The following DNAAF11 variants were observed in gnomAD, a reference collection of about 807,000 sequenced individuals.
DNAAF11 encodes the protein leucine rich repeat containing 6.
DNAAF11 carries 45 observed loss-of-function variants against 60.8 expected under a neutral mutation model. That is an observed-to-expected ratio of 0.74 (90% CI 0.58 to 0.95). The LOEUF (loss-of-function observed/expected upper bound fraction) is 0.95, where lower values mean the gene tolerates loss of function less well. DNAAF11 is among the 40% of genes least tolerant of loss of function. The pLI is 0.00. For synonymous variants in DNAAF11, 191 were observed against 183.5 expected, an observed-to-expected ratio of 1.04 and a Z score of -0.33; for missense variants, 546 against 546.2, an observed-to-expected ratio of 1.00 and a Z score of 0.00.
At chr8:132,626,624 A>G (rs1031106357) in intron 5 of DNAAF11, among the ~76,000 whole-genome samples, 4 of 152,222 alleles carry the variant, frequency 2.6e-5, no homozygotes, top group African/African-American at 9.6e-5. Context: ...CCACGATGCT[A>G]CTTTCAGGAG....
In DNAAF11 at chr8:132,625,408, CCT is replaced by C; in HGVS notation, c.698_699del (p.Glu233GlyfsTer11). 1 of 1,613,190 alleles carries C rather than the reference CCT, an allele frequency of 6.2e-7. No homozygotes were observed. Among genetic ancestry groups the C allele is most frequent in the South Asian group, 1.1e-5 (1 of 90,826 alleles). ...SKDHLQAPDT[E>X]EHNTKKLDNS... ...TTGTCTAATTTCTTTGTGTTGTGTT[CCT>C]CTGTGTCTGGTGCCTGTAGGTGGTC... On this transcript the variant is annotated frameshift_variant, in exon 6 of 12. Transcript: ENST00000620350. LOFTEE classifies it high-confidence loss of function.
At chr8:132,697,815 A>G in the DNAAF11 span, among the ~76,000 whole-genome samples, 9 of 152,254 alleles carry the variant, frequency 5.9e-5, no homozygotes, top group Admixed American at 4.6e-4. Context: ...CAGATAGTGC[A>G]GTCTGGTGTC....
At chr8:132,662,004 A>G (rs1465410705) in intron 1 of DNAAF11, among the ~76,000 whole-genome samples, 1 of 152,220 alleles carries the variant, frequency 6.6e-6, no homozygotes, top group Non-Finnish European at 1.5e-5. Context: ...AGACAGAGCA[A>G]CTTGCTACTG....
chr8:132,656,839 T>G lies in DNAAF11; in HGVS notation c.247A>C (p.Asn83His). 7.6e-7 allele frequency: 1 copy of G among 1,322,772 alleles called. No homozygotes were observed. The highest frequency in any genetic ancestry group is 1.3e-5 in the South Asian group (1 of 78,412). The allele number at this position is 1,322,772 out of a possible 1,614,324, so 81.9% of individuals were successfully genotyped here. The change falls in exon 3 of 12, where the codon AAC becomes CAC. Residue 83 changes from asparagine (N) to histidine (H), a missense_variant. By Grantham distance (68) the Asn-to-His change is moderately conservative. Transcript: ENST00000620350. ...LALNNIEKIE[N>H]LEGCEELAKL... Reference sequence around the variant, plus strand: ...GAAGAAACAGTCTTACCTTCCAAGTTTTCTATTTTTTCAATGTTGTTTAAA... The same window carrying G: ...GAAGAAACAGTCTTACCTTCCAAGTGTTCTATTTTTTCAATGTTGTTTAAA...
At chr8:132,622,197 A>G (rs1004891904) in intron 7 of DNAAF11, among the ~76,000 whole-genome samples, 3 of 152,304 alleles carry the variant, frequency 2.0e-5, no homozygotes, top group African/African-American at 7.2e-5. Flanking sequence ...CTAGCTCTCC[A>G]GTGCTTTGTA....
intron 1 of DNAAF11, among the ~76,000 whole-genome samples, chr8:132,669,105 CAT>C (rs1824921921): frequency 6.6e-6 from 1 of 152,188 alleles, no homozygotes; most frequent in Admixed American, 6.5e-5. Flanking sequence ...CTTTGTTAGA[CAT>C]ATCACAGCCC....
chr8:132,620,349 T>C lies in DNAAF11; in HGVS notation c.914+2262A>G, dbSNP rs527470536. 4.6e-5 allele frequency among the ~76,000 whole-genome samples: 7 copies of C among 152,306 alleles called. No individual in the cohort carries two copies. In the East Asian group the frequency reaches 1.4e-3, roughly 29 times the overall value. Reference sequence around the variant, plus strand: ...TGATTTCATTTTTCTTTTCCTTTTTTCTTGAGACAGGGTCTTACTCTGTCG... The same window carrying C: ...TGATTTCATTTTTCTTTTCCTTTTTCCTTGAGACAGGGTCTTACTCTGTCG... On this transcript the variant is annotated intron_variant, in intron 7 of 11. Transcript: ENST00000620350.
chr8:132,679,949 G>A (rs917314175), upstream of DNAAF11, among the ~76,000 whole-genome samples: 2 of 152,154 alleles, frequency 1.3e-5, no homozygotes, highest in Non-Finnish European at 2.9e-5. Flanking sequence ...TACAAGCAGA[G>A]AAAAGCTTTG....
chr8:132,692,976 C>A, the DNAAF11 span, among the ~76,000 whole-genome samples: 1 of 152,222 alleles, frequency 6.6e-6, no homozygotes, highest in African/African-American at 2.4e-5. Flanking sequence ...CTATAAGGAG[C>A]AGCTTCCATC....
At chr8:132,615,119 G>A in intron 7 of DNAAF11, 22 bp from the exon 8 acceptor site, 1 of 1,488,272 alleles carries the variant, frequency 6.7e-7, no homozygotes, top group Non-Finnish European at 9.3e-7. Flanking sequence ...ACATTTGGTG[G>A]GAAAAAAGAG....
intron 10 of DNAAF11, among the ~76,000 whole-genome samples, chr8:132,594,915 T>A (rs1042669601): frequency 7.2e-5 from 11 of 152,068 alleles, no homozygotes; most frequent in Non-Finnish European, 1.3e-4. Context: ...GTTTCCCCCA[T>A]GATGTTCTTG....
chr8:132,644,857 A>C (rs1365891610), intron 3 of DNAAF11, among the ~76,000 whole-genome samples: 1 of 152,188 alleles, frequency 6.6e-6, no homozygotes, highest in Non-Finnish European at 1.5e-5. Context: ...GGTGGAGCCC[A>C]CCACAGCTCA....
chr8:132,698,558 G>A, the DNAAF11 span, among the ~76,000 whole-genome samples: 1 of 152,108 alleles, frequency 6.6e-6, no homozygotes, highest in African/African-American at 2.4e-5. Context: ...TGAATAATCT[G>A]GGCACAGTCA....
At chr8:132,665,150 G>A (rs1442774515) in intron 1 of DNAAF11, among the ~76,000 whole-genome samples, 6 of 152,038 alleles carry the variant, frequency 3.9e-5, no homozygotes, top group African/African-American at 1.4e-4. Flanking sequence ...GCAAACTGCC[G>A]TGTGGCTTAC....
chr8:132,645,634 G>C (rs1042456903), intron 3 of DNAAF11, among the ~76,000 whole-genome samples: 2 of 152,144 alleles, frequency 1.3e-5, no homozygotes, highest in Non-Finnish European at 2.9e-5. Flanking sequence ...AAACAGCGTA[G>C]AGAAGACCTT....
At chr8:132,576,664 C>T (rs1256813970) in intron 11 of DNAAF11, among the ~76,000 whole-genome samples, 4 of 152,144 alleles carry the variant, frequency 2.6e-5, no homozygotes, top group Admixed American at 2.0e-4. Context: ...AGGAAATGCT[C>T]ATTGGAGCAC....
intron 4 of DNAAF11, 91 bp downstream of exon 4, chr8:132,637,844 C>T: frequency 5.5e-6 from 6 of 1,089,104 alleles, no homozygotes; most frequent in Non-Finnish European, 8.0e-6. Flanking sequence ...TCTGAAGCAA[C>T]ACATTCACTG....
Position 132,570,934 on chromosome 8 carries a change from G to A in DNAAF11, c.*1372C>T, listed in dbSNP as rs897814689. On this transcript the variant is annotated 3_prime_UTR_variant, in exon 12 of 12. Transcript: ENST00000620350. ...CTTCAGCTTCTCAGATTCTGTGCAA[G>A]TTCTGAATTGTCTACCTGTACCAGT... Among the ~76,000 whole-genome samples, 3 of 152,162 alleles carry A rather than the reference G, an allele frequency of 2.0e-5. No individual in the cohort carries two copies. Among genetic ancestry groups the A allele is most frequent in the African/African-American group, 7.2e-5 (3 of 41,434 alleles).
chr8:132,675,553 AC>A, upstream of DNAAF11: 2 of 1,525,592 alleles, frequency 1.3e-6, no homozygotes, highest in Admixed American at 1.9e-5. Context: ...GACGCTTTTC[AC>A]CCTTCACCCC....
Sources: allele counts gnomAD v4.1 joint callset (sites outside exome capture counted in the v4.1 genomes callset), GRCh38; gene constraint gnomAD v4.1.1; transcripts MANE v1.5; gene names NCBI Gene and HGNC (gene_info 2026-07-23, HGNC 2026-07-21).